Variants in MBNL2 observed in about 807,000 individuals in gnomAD.
MBNL2 encodes the protein muscleblind like splicing regulator 2.
In MBNL2, 17 loss-of-function variants were observed where a neutral mutation model predicts 41.9. The observed-to-expected ratio is 0.41, with a 90% CI of 0.28 to 0.61. The LOEUF is 0.61. MBNL2 is among the 20% of genes least tolerant of loss of function. The probability of loss-of-function intolerance (pLI) is 0.35; values close to 1 mark genes in which losing one functional copy is unlikely to be tolerated. For missense variants in MBNL2, 336 were observed against 505.6 expected (o/e 0.66, Z 3.22); for synonymous variants, 195 against 182.9 (o/e 1.07, Z -0.53).
intron 2 of MBNL2, among the ~76,000 whole-genome samples, chr13:97,330,938 C>G (rs2060385508): frequency 1.3e-5 from 2 of 152,120 alleles, no homozygotes; most frequent in Admixed American, 1.3e-4. Flanking sequence ...CTAGATTGTA[C>G]TAGGGTTCAG....
At chr13:97,264,013 C>CTTT (rs71117637) in intron 1 of MBNL2, among the ~76,000 whole-genome samples, 1 of 135,122 alleles carries the variant, frequency 7.4e-6, no homozygotes, top group Non-Finnish European at 1.6e-5. Context: ...TATTCTTTTT[C>CTTT]TTTTTTTTTT....
At chr13:97,199,062 C>A in the MBNL2 span, among the ~76,000 whole-genome samples, 1 of 152,118 alleles carries the variant, frequency 6.6e-6, no homozygotes, top group African/African-American at 2.4e-5. Flanking sequence ...GACTCTCTGA[C>A]CTTATCCATA....
chr13:97,161,277 C>T, the MBNL2 span, among the ~76,000 whole-genome samples: 5 of 152,256 alleles, frequency 3.3e-5, no homozygotes, highest in African/African-American at 7.2e-5. Context: ...CCTGCTTTTG[C>T]CCACCACCTC....
At chr13:97,312,651 C>T (rs2058713157) in intron 2 of MBNL2, among the ~76,000 whole-genome samples, 1 of 152,208 alleles carries the variant, frequency 6.6e-6, no homozygotes, top group Admixed American at 6.5e-5. Flanking sequence ...TTTGCTCTAA[C>T]CACAGCCATT....
At chr13:97,259,101 A>T (rs2048110107) in intron 1 of MBNL2, among the ~76,000 whole-genome samples, 1 of 152,040 alleles carries the variant, frequency 6.6e-6, no homozygotes, top group African/African-American at 2.4e-5. Context: ...ATCTTCTCAG[A>T]CTCTGAGCAA....
intron 7 of MBNL2, among the ~76,000 whole-genome samples, chr13:97,361,811 C>A (rs2063424545): frequency 7.0e-6 from 1 of 142,508 alleles, no homozygotes; most frequent in African/African-American, 2.7e-5. Context: ...GCTCTGTCAC[C>A]CAGGCTGGAG....
intron 1 of MBNL2, among the ~76,000 whole-genome samples, chr13:97,270,908 G>A (rs2050813015): frequency 6.6e-6 from 1 of 152,040 alleles, no homozygotes; most frequent in African/African-American, 2.4e-5. Context: ...CCCACTCCTT[G>A]GTACAGGTGC....
At chr13:97,186,848 AGG>A in the MBNL2 span, among the ~76,000 whole-genome samples, 1 of 152,156 alleles carries the variant, frequency 6.6e-6, no homozygotes, top group Non-Finnish European at 1.5e-5. Context: ...ACCAAAAAAA[AGG>A]GGGTGGAAAG....
intron 2 of MBNL2, among the ~76,000 whole-genome samples, chr13:97,295,107 G>C (rs1236283736): frequency 6.6e-6 from 1 of 152,168 alleles, no homozygotes; most frequent in Non-Finnish European, 1.5e-5. Flanking sequence ...GAGAAGACAT[G>C]ATAGCCCTCT....
chr13:97,381,836 CATATT>C (rs2065477055), intron 8 of MBNL2, among the ~76,000 whole-genome samples: 1 of 151,516 alleles, frequency 6.6e-6, no homozygotes, highest in South Asian at 2.1e-4. Context: ...TATTATGTTA[CATATT>C]ATATTAATTA....
chr13:97,371,111 C>T (rs1016188922), intron 8 of MBNL2, among the ~76,000 whole-genome samples: 1 of 152,082 alleles, frequency 6.6e-6, no homozygotes, highest in Admixed American at 6.5e-5. Flanking sequence ...AATTCCTGAA[C>T]TTGAATTATT....
chr13:97,248,565 C>A (rs2152833029), intron 1 of MBNL2, among the ~76,000 whole-genome samples: 1 of 152,342 alleles, frequency 6.6e-6, no homozygotes, highest in South Asian at 2.1e-4. Flanking sequence ...CCTGAGCCAA[C>A]CATTCCCAAA....
At chr13:97,324,385 C>T (rs1445531886) in intron 2 of MBNL2, among the ~76,000 whole-genome samples, 3 of 152,228 alleles carry the variant, frequency 2.0e-5, no homozygotes, top group East Asian at 3.9e-4. Context: ...AGGAGAAGTT[C>T]GGGAAGTAGA....
chr13:97,291,235 G>A (rs2055888546), intron 2 of MBNL2, among the ~76,000 whole-genome samples: 1 of 151,944 alleles, frequency 6.6e-6, no homozygotes, highest in Non-Finnish European at 1.5e-5. Context: ...TTTTGAGGTA[G>A]AATTATTATT....
intron 2 of MBNL2, among the ~76,000 whole-genome samples, chr13:97,302,749 G>C (rs2057751601): frequency 6.6e-6 from 1 of 152,162 alleles, no homozygotes; most frequent in Non-Finnish European, 1.5e-5. Context: ...CTTCAGCTGG[G>C]GCCCAGACTC....
chr13:97,282,378 A>C (rs1269672217), intron 2 of MBNL2, among the ~76,000 whole-genome samples: 1 of 152,114 alleles, frequency 6.6e-6, no homozygotes, highest in East Asian at 1.9e-4. Context: ...ATAAATAAAA[A>C]ACCATTGTAA....
intron 2 of MBNL2, among the ~76,000 whole-genome samples, chr13:97,306,540 A>C (rs2058145744): frequency 6.6e-6 from 1 of 152,204 alleles, no homozygotes; most frequent in Non-Finnish European, 1.5e-5. Context: ...CACCTCTTAC[A>C]TTATATTGCA....
chr13:97,256,491 T>C (rs998744169), intron 1 of MBNL2, among the ~76,000 whole-genome samples: 1 of 152,198 alleles, frequency 6.6e-6, no homozygotes, highest in African/African-American at 2.4e-5. Flanking sequence ...AAATATTTGC[T>C]GCTGATGAGT....
At chr13:97,265,991 C>T (rs2049697344) in intron 1 of MBNL2, among the ~76,000 whole-genome samples, 1 of 152,060 alleles carries the variant, frequency 6.6e-6, no homozygotes, top group Non-Finnish European at 1.5e-5. Context: ...CTTGTAATCC[C>T]AGCACTTTGG....
Sources: allele counts gnomAD v4.1 joint callset (sites outside exome capture counted in the v4.1 genomes callset), GRCh38; gene constraint gnomAD v4.1.1; transcripts MANE v1.5; gene names NCBI Gene and HGNC (gene_info 2026-07-23, HGNC 2026-07-21).